Variants in SEMA3D observed in about 807,000 individuals in gnomAD.
The protein encoded by SEMA3D is semaphorin 3D, also known as semaphorin-3D.
A neutral mutation model predicts 100.1 loss-of-function variants in SEMA3D; 84 were observed. That is an observed-to-expected ratio of 0.84 (90% CI 0.70 to 1.01). The LOEUF (loss-of-function observed/expected upper bound fraction) is 1.01, where lower values mean the gene tolerates loss of function less well. Ranked by LOEUF, SEMA3D falls within the 50% of genes least tolerant of loss-of-function variation. The pLI is 0.00. For missense variants in SEMA3D, 875 were observed against 934.1 expected (o/e 0.94, Z 0.82); for synonymous variants, 312 against 320.7 (o/e 0.97, Z 0.29).
At chr7:85,100,345 C>A (rs1208206632) in intron 3 of SEMA3D, among the ~76,000 whole-genome samples, 1 of 150,096 alleles carries the variant, frequency 6.7e-6, no homozygotes, top group East Asian at 2.0e-4. Context: ...CTTTAGGTCC[C>A]AATTCTTTGT....
intron 12 of SEMA3D, among the ~76,000 whole-genome samples, chr7:85,023,346 G>GA (rs1195106124): frequency 3.3e-5 from 5 of 151,604 alleles, no homozygotes; most frequent in East Asian, 3.9e-4. Flanking sequence ...AAATAAAGGG[G>GA]AAAAAACACC....
chr7:85,164,471 T>C (rs1323544229), intron 1 of SEMA3D, among the ~76,000 whole-genome samples: 1 of 152,092 alleles, frequency 6.6e-6, no homozygotes, highest in Non-Finnish European at 1.5e-5. Flanking sequence ...GAAAGGAAAA[T>C]TAGATTCCCT....
At chr7:85,092,219 C>G (rs989665647) in intron 4 of SEMA3D, among the ~76,000 whole-genome samples, 1 of 151,994 alleles carries the variant, frequency 6.6e-6, no homozygotes, top group African/African-American at 2.4e-5. Context: ...TGTATTTCTA[C>G]CATATGTGAT....
chr7:85,073,092 C>T lies in SEMA3D; in HGVS notation c.376-11G>A, dbSNP rs957348959. The T allele has an allele frequency of 6.2e-7, 1 of 1,610,304 alleles. No individual in the cohort carries two copies. Among genetic ancestry groups the T allele is most frequent in the Non-Finnish European group, 8.5e-7 (1 of 1,178,904 alleles). On this transcript the variant is annotated splice_polypyrimidine_tract_variant and intron_variant, in intron 5 of 18. Transcript: ENST00000284136. ...ATTTGCACATTCTGTCTGTTGGGCA[C>T]AAAAATTAAAAGCATTAACACACAA...
At chr7:85,029,836 A>G (rs1367876998) in intron 12 of SEMA3D, 1 of 195,300 alleles carries the variant, frequency 5.1e-6, no homozygotes, top group East Asian at 1.5e-4. Context: ...AATATGGAAC[A>G]TGAGCACAAG....
chr7:85,066,913 C>CATACACACAGAGAGAG, intron 7 of SEMA3D, among the ~76,000 whole-genome samples: 1 of 127,760 alleles, frequency 7.8e-6, no homozygotes, highest in African/African-American at 3.2e-5. Context: ...CACACACACA[C>CATACACACAGAGAGAG]AGAGAGAGAG....
intron 6 of SEMA3D, among the ~76,000 whole-genome samples, chr7:85,070,788 TTG>T (rs1791749441): frequency 9.4e-6 from 1 of 105,980 alleles, no homozygotes; most frequent in African/African-American, 4.5e-5. Flanking sequence ...TGACTTTTTT[TTG>T]TTGTTGTTTG....
At chr7:85,080,048 T>A (rs1788007863) in intron 5 of SEMA3D, among the ~76,000 whole-genome samples, 1 of 152,216 alleles carries the variant, frequency 6.6e-6, no homozygotes, top group South Asian at 2.1e-4. Flanking sequence ...CACTGCATTT[T>A]ATGTTAACAC....
intron 2 of SEMA3D, among the ~76,000 whole-genome samples, chr7:85,152,116 C>T (rs566222591): frequency 5.1e-4 from 78 of 151,914 alleles, no homozygotes; most frequent in South Asian, 8.3e-4. Flanking sequence ...TTATTTTATA[C>T]CTATCTTTAC....
chr7:85,006,663 C>G lies in SEMA3D; in HGVS notation c.1908+139G>C, dbSNP rs1562779949. The G allele has an allele frequency of 1.0e-5, 6 of 579,768 alleles. No homozygotes were observed. The South Asian group carries it at 2.2e-4, about 21-fold the overall frequency. The allele number at this position is 579,768 out of a possible 1,614,324, so 35.9% of individuals were successfully genotyped here. On this transcript the variant is annotated intron_variant, in intron 18 of 18. Transcript: ENST00000284136. Reference sequence around the variant, plus strand: ...ATTCTTATCTCAAAGCTATTGTTACCTTTGGTGTTAGTGAGTAAAACCTGT... The same window carrying G: ...ATTCTTATCTCAAAGCTATTGTTACGTTTGGTGTTAGTGAGTAAAACCTGT...
intron 3 of SEMA3D, among the ~76,000 whole-genome samples, chr7:85,109,453 C>T (rs1207996740): frequency 1.3e-5 from 2 of 151,960 alleles, no homozygotes. Flanking sequence ...GCTTCTTCTA[C>T]TTCACCACTC....
the SEMA3D span, among the ~76,000 whole-genome samples, chr7:85,202,373 A>G: frequency 6.6e-6 from 1 of 151,880 alleles, no homozygotes; most frequent in South Asian, 2.1e-4. Flanking sequence ...CCATGTCCCT[A>G]CAAAGGAAAT....
chr7:85,160,772 A>G (rs1790725006), intron 1 of SEMA3D, among the ~76,000 whole-genome samples: 2 of 152,170 alleles, frequency 1.3e-5, no homozygotes, highest in African/African-American at 2.4e-5. Flanking sequence ...TGGAAGATTA[A>G]AGCACTAAAG....
At chr7:85,044,892 C>A (rs953354302) in intron 9 of SEMA3D, among the ~76,000 whole-genome samples, 5 of 152,004 alleles carry the variant, frequency 3.3e-5, no homozygotes, top group African/African-American at 1.2e-4. Flanking sequence ...AGACAATGCA[C>A]TCCCTAAAAT....
At chr7:85,133,311 A>G (rs1395220363) in intron 2 of SEMA3D, among the ~76,000 whole-genome samples, 7 of 152,048 alleles carry the variant, frequency 4.6e-5, no homozygotes, top group Non-Finnish European at 7.4e-5. Flanking sequence ...CTGGACTTAC[A>G]TGAATATTAA....
In SEMA3D at chr7:85,141,419, G is replaced by T; in HGVS notation, c.-41+12189C>A. ...GAAAATTAATCATTGTACTATTGGG[G>T]ATTCTGTGCTAATATTTAAAAAAAA... On this transcript the variant is annotated intron_variant, in intron 2 of 18. Coordinates refer to ENST00000284136, the MANE Select transcript of SEMA3D (RefSeq NM_001384900.1). The T allele has an allele frequency of 3.0e-6, 3 of 984,398 alleles. No homozygotes were observed. In the African/African-American group the frequency reaches 5.2e-5, roughly 17 times the overall value. The allele number at this position is 984,398 out of a possible 1,614,324, so 61.0% of individuals were successfully genotyped here. A position where few individuals can be genotyped will look rare whatever the true frequency, so the allele number is the denominator to read the frequency against.
chr7:85,159,033 C>T (rs1790674036), intron 1 of SEMA3D, among the ~76,000 whole-genome samples: 1 of 152,122 alleles, frequency 6.6e-6, no homozygotes, highest in Non-Finnish European at 1.5e-5. Context: ...CTCTCTTTAC[C>T]ATCACCTCAG....
intron 3 of SEMA3D, among the ~76,000 whole-genome samples, chr7:85,101,151 G>T (rs1468628972): frequency 6.6e-6 from 1 of 151,918 alleles, no homozygotes; most frequent in Non-Finnish European, 1.5e-5. Context: ...GCCTTAACAA[G>T]ATAATGCATT....
At chr7:85,073,983 C>CT (rs1791849812) in intron 5 of SEMA3D, among the ~76,000 whole-genome samples, 1 of 152,160 alleles carries the variant, frequency 6.6e-6, no homozygotes, top group African/African-American at 2.4e-5. Flanking sequence ...GGCTCTCTCT[C>CT]TTTTTAGAGT....
Sources: gnomAD v4.1 joint callset for allele counts (sites outside exome capture counted in the v4.1 genomes callset) on GRCh38, gnomAD v4.1.1 for gene constraint, MANE v1.5 for transcripts, NCBI Gene and HGNC (gene_info 2026-07-23, HGNC 2026-07-21) for gene names.